ARAP2: variants seen among roughly 807,000 people sequenced by gnomAD.
ARAP2 encodes the protein arf-GAP with Rho-GAP domain, ANK repeat and PH domain-containing protein 2.
Under a neutral mutation model 194.5 loss-of-function variants are expected in ARAP2, and 148 were observed. The ratio of observed to expected loss-of-function variants is 0.76; its 90% CI spans 0.67 to 0.87. The LOEUF (loss-of-function observed/expected upper bound fraction) is 0.87, where lower values mean the gene tolerates loss of function less well. Ranked by LOEUF, ARAP2 falls within the 40% of genes least tolerant of loss-of-function variation. The pLI is 0.00. For synonymous variants in ARAP2, 695 were observed against 683.5 expected (o/e 1.02, Z -0.26); for missense variants, 2,128 against 1,989.7 (o/e 1.07, Z -1.32).
chr4:36,138,243 C>T (rs1727323396), intron 19 of ARAP2, among the ~76,000 whole-genome samples: 1 of 151,640 alleles, frequency 6.6e-6, no homozygotes, highest in South Asian at 2.1e-4. Flanking sequence ...TTTTAATGAA[C>T]TCATTTTAAG....
intron 32 of ARAP2, among the ~76,000 whole-genome samples, chr4:36,070,945 G>A (rs1033836118): frequency 6.6e-6 from 1 of 152,142 alleles, no homozygotes; most frequent in Admixed American, 6.5e-5. Flanking sequence ...GGGGACCCCA[G>A]CTTGGCCTTT....
At chr4:36,170,647 T>C (rs752602802) in intron 9 of ARAP2, among the ~76,000 whole-genome samples, 1 of 152,210 alleles carries the variant, frequency 6.6e-6, no homozygotes, top group Non-Finnish European at 1.5e-5. Flanking sequence ...ATTAAGCATA[T>C]AGAGTGGACT....
chr4:36,224,673 CCTT>C (rs1213054094), intron 2 of ARAP2, among the ~76,000 whole-genome samples: 6 of 152,028 alleles, frequency 3.9e-5, no homozygotes, highest in African/African-American at 1.4e-4. Flanking sequence ...GATACCCTCA[CCTT>C]CTAACAATAA....
chr4:36,047,898 AGCCTG>A, intron 3 of ARAP2, among the ~76,000 whole-genome samples: 1 of 152,244 alleles, frequency 6.6e-6, no homozygotes, highest in South Asian at 2.1e-4. Context: ...AAGTTCAAAG[AGCCTG>A]AGTCTAATCC....
intron 1 of ARAP2, among the ~76,000 whole-genome samples, chr4:36,059,307 A>G (rs1219155901): frequency 1.3e-5 from 2 of 152,156 alleles, no homozygotes; most frequent in African/African-American, 4.8e-5. Flanking sequence ...TCCACATAGT[A>G]GCATGCAATT....
In ARAP2 at chr4:36,008,811, A is replaced by G. The variant is rs115374114; in HGVS notation, n.1326-1765T>C. 1.1e-3 allele frequency among the ~76,000 whole-genome samples: 175 copies of G among 152,282 alleles called. 1 individual carries two copies. Among genetic ancestry groups the G allele is most frequent in the African/African-American group, 4.0e-3 (165 of 41,582 alleles). On this transcript the variant is annotated intron_variant and non_coding_transcript_variant, in intron 9 of 12. Coordinates refer to the ARAP2 transcript ENST00000503225. ...CAAACTATGCACCCAACAAAGGTCT[A>G]TTATCCAGAATCTATAAGAAACTTT...
chr4:36,203,129 C>T (rs1035170580), intron 6 of ARAP2, among the ~76,000 whole-genome samples: 6 of 152,160 alleles, frequency 3.9e-5, no homozygotes, highest in African/African-American at 1.4e-4. Context: ...TCTCCACCTT[C>T]ACTCAACATA....
intron 27 of ARAP2, among the ~76,000 whole-genome samples, chr4:36,098,047 C>T (rs954614005): frequency 3.9e-5 from 2 of 51,576 alleles, no homozygotes; most frequent in Non-Finnish European, 7.2e-5. Flanking sequence ...CTGAAAAGCT[C>T]GCACCTCCAA....
intron 6 of ARAP2, among the ~76,000 whole-genome samples, chr4:36,201,720 C>A (rs144579402): frequency 6.6e-6 from 1 of 151,848 alleles, no homozygotes; most frequent in Non-Finnish European, 1.5e-5. Flanking sequence ...TATACACACA[C>A]AATTAAATCT....
At chr4:36,081,855 A>T (rs1001796688) in intron 30 of ARAP2, among the ~76,000 whole-genome samples, 2 of 152,154 alleles carry the variant, frequency 1.3e-5, no homozygotes, top group South Asian at 2.1e-4. Context: ...ATACTGATGG[A>T]TACTGGTAAC....
Position 36,122,716 on chromosome 4 carries a change from C to G in ARAP2, c.3747-1390G>C, listed in dbSNP as rs150944111. 2.1e-3 allele frequency among the ~76,000 whole-genome samples: 312 copies of G among 151,728 alleles called. 1 individual carries two copies. Among genetic ancestry groups the G allele is most frequent in the Admixed American group, 4.9e-3 (74 of 15,166 alleles). On this transcript the variant is annotated intron_variant, in intron 22 of 32. Transcript: ENST00000303965. Reference sequence around the variant, plus strand: ...AACAAACCCCTGTGATACAAGTTTACCTGTGTAACAAACCTACACACTGTA... The same window carrying G: ...AACAAACCCCTGTGATACAAGTTTAGCTGTGTAACAAACCTACACACTGTA...
chr4:36,182,386 G>A (rs868290696), intron 8 of ARAP2, among the ~76,000 whole-genome samples: 6 of 152,060 alleles, frequency 3.9e-5, no homozygotes, highest in Admixed American at 2.6e-4. Flanking sequence ...CAGCTACTTC[G>A]GAGGCTGAGG....
chr4:36,017,679 C>A (rs1716116342), intron 6 of ARAP2, among the ~76,000 whole-genome samples: 1 of 149,014 alleles, frequency 6.7e-6, no homozygotes, highest in Non-Finnish European at 1.5e-5. Flanking sequence ...CAGTAAATCT[C>A]ATGACTGCAG....
chr4:36,189,434 G>A (rs1741367114), intron 7 of ARAP2, among the ~76,000 whole-genome samples: 1 of 151,942 alleles, frequency 6.6e-6, no homozygotes. Context: ...CCTCCTTCTG[G>A]CTATTTGAAA....
At chr4:36,139,796 T>C (rs1044903867) in intron 19 of ARAP2, among the ~76,000 whole-genome samples, 2 of 151,680 alleles carry the variant, frequency 1.3e-5, no homozygotes, top group African/African-American at 4.8e-5. Flanking sequence ...CTGTGAAGTA[T>C]GGCTTATTTG....
At chr4:36,218,543 A>G (rs1216880516) in intron 2 of ARAP2, among the ~76,000 whole-genome samples, 1 of 152,206 alleles carries the variant, frequency 6.6e-6, no homozygotes, top group Non-Finnish European at 1.5e-5. Flanking sequence ...GCACATCTAT[A>G]TGGAAGCAAA....
At chr4:36,059,821 A>T (rs1308831256) in intron 1 of ARAP2, among the ~76,000 whole-genome samples, 1 of 152,184 alleles carries the variant, frequency 6.6e-6, no homozygotes, top group Non-Finnish European at 1.5e-5. Context: ...ATAGGTCAAT[A>T]TGATGACTGA....
At chr4:36,019,111 C>T (rs1403407933) in intron 6 of ARAP2, 1 of 149,474 alleles carries the variant, frequency 6.7e-6, no homozygotes, top group Non-Finnish European at 1.5e-5. Context: ...ATTTAAAATA[C>T]ATCTTTTAAA....
rs1369875240 is a variant in ARAP2 at position 36,229,542 on chromosome 4, C to T, written c.-56G>A. 18 of 1,371,352 alleles carry T rather than the reference C, an allele frequency of 1.3e-5. No individual in the cohort carries two copies. Among genetic ancestry groups the T allele is most frequent in the Non-Finnish European group, 1.7e-5 (17 of 998,696 alleles). 84.9% of individuals were successfully genotyped at this position (1,371,352 alleles called of 1,614,324 possible). ...AAAAAGTGGCACGATGAGACACACA[C>T]ACAAGAAGATGTACTTCTCTACTGG... On this transcript the variant is annotated 5_prime_UTR_variant, in exon 2 of 33. It adds an upstream start codon to the 5' untranslated region. Coordinates refer to ENST00000303965, the MANE Select transcript of ARAP2 (RefSeq NM_015230.4).
Sources: gnomAD v4.1 joint callset for allele counts (sites outside exome capture counted in the v4.1 genomes callset) on GRCh38, gnomAD v4.1.1 for gene constraint, MANE v1.5 for transcripts, NCBI Gene and HGNC (gene_info 2026-07-23, HGNC 2026-07-21) for gene names.